Variants in PCDH15 observed in about 807,000 individuals in gnomAD.
PCDH15 encodes protocadherin-15.
PCDH15 carries 129 observed loss-of-function variants against 178.5 expected under a neutral mutation model. The ratio of observed to expected loss-of-function variants is 0.72; its 90% CI spans 0.63 to 0.84. The LOEUF is 0.84. Ranked by LOEUF, PCDH15 falls within the 40% of genes least tolerant of loss-of-function variation. PCDH15 has a pLI of 0.00. For missense variants in PCDH15, 2,230 were observed against 2,099.9 expected (o/e 1.06, Z -1.21); for synonymous variants, 800 against 732.0 (o/e 1.09, Z -1.50).
At chr10:54,745,837 C>T (rs1357433765) in intron 1 of PCDH15, among the ~76,000 whole-genome samples, 2 of 152,044 alleles carry the variant, frequency 1.3e-5, no homozygotes, top group African/African-American at 2.4e-5. Context: ...GAATTTTAAT[C>T]ACTAATTATA....
chr10:54,205,741 A>G (rs2050732682), intron 10 of PCDH15, among the ~76,000 whole-genome samples: 2 of 152,084 alleles, frequency 1.3e-5, no homozygotes, highest in Admixed American at 6.6e-5. Flanking sequence ...TTTATTCAAA[A>G]TTTAATACTC....
At chr10:55,291,568 T>C (rs1843007219) in intron 1 of PCDH15, among the ~76,000 whole-genome samples, 1 of 152,214 alleles carries the variant, frequency 6.6e-6, no homozygotes, top group African/African-American at 2.4e-5. Flanking sequence ...CTGGAATTTT[T>C]GACCAATAGC....
rs1379048346 is a variant in PCDH15 at position 55,563,665 on chromosome 10, T to C, written c.-156+63960A>G. Among the ~76,000 whole-genome samples, 5 of 148,692 alleles carry C rather than the reference T, an allele frequency of 3.4e-5. No homozygotes were observed. The Admixed American group carries it at 3.4e-4, about 10-fold the overall frequency. ...AGAGTCACCGAGAAAGACTTGATGG[T>C]AGATCTACTACATAAATACTTTAAA... is the stretch of plus-strand genomic sequence containing the variant. On this transcript the variant is annotated intron_variant, in intron 2 of 5. Coordinates refer to the PCDH15 transcript ENST00000613346.
At chr10:54,162,196 C>T (rs896908384) in intron 13 of PCDH15, among the ~76,000 whole-genome samples, 2 of 137,724 alleles carry the variant, frequency 1.5e-5, no homozygotes, top group African/African-American at 5.6e-5. Context: ...TTCTTCCTGC[C>T]TTCTTATGCA....
At chr10:54,453,696 G>A (rs947588260) in intron 3 of PCDH15, among the ~76,000 whole-genome samples, 4 of 151,258 alleles carry the variant, frequency 2.6e-5, no homozygotes, top group African/African-American at 4.9e-5. Context: ...ATTCAGACAC[G>A]GAGACAGAGA....
intron 2 of PCDH15, among the ~76,000 whole-genome samples, chr10:54,659,501 C>T (rs1202659488): frequency 6.6e-6 from 1 of 151,950 alleles, no homozygotes; most frequent in African/African-American, 2.4e-5. Flanking sequence ...GCTGGTAATC[C>T]TAGCAGTTTG....
At chr10:55,111,207 A>G (rs1837492688) in intron 2 of PCDH15, among the ~76,000 whole-genome samples, 1 of 152,186 alleles carries the variant, frequency 6.6e-6, no homozygotes, top group Non-Finnish European at 1.5e-5. Context: ...CTTTTCACAG[A>G]AAAGTGGTAT....
chr10:53,883,520 C>T (rs761963859), intron 26 of PCDH15, among the ~76,000 whole-genome samples: 24 of 152,036 alleles, frequency 1.6e-4, no homozygotes, highest in Non-Finnish European at 3.4e-4. Flanking sequence ...AACTGCTCTG[C>T]CACTTAAAAA....
intron 2 of PCDH15, among the ~76,000 whole-genome samples, chr10:54,584,345 T>C (rs1321244481): frequency 6.6e-6 from 1 of 152,130 alleles, no homozygotes; most frequent in Admixed American, 6.6e-5. Context: ...AAGGCTGCAG[T>C]GAGCTATAAT....
chr10:54,736,160 C>T (rs896972895), intron 1 of PCDH15, among the ~76,000 whole-genome samples: 2 of 152,044 alleles, frequency 1.3e-5, no homozygotes, highest in African/African-American at 4.8e-5. Context: ...CTGAATCTAA[C>T]TCTGTAGCAT....
intron 1 of PCDH15, among the ~76,000 whole-genome samples, chr10:54,664,550 T>C (rs2094541110): frequency 6.6e-6 from 1 of 151,974 alleles, no homozygotes; most frequent in African/African-American, 2.4e-5. Context: ...GTTAACATAC[T>C]AATAATATCA....
At chr10:55,054,866 C>G (rs1053372972) in intron 2 of PCDH15, among the ~76,000 whole-genome samples, 1 of 151,972 alleles carries the variant, frequency 6.6e-6, no homozygotes, top group African/African-American at 2.4e-5. Flanking sequence ...TAGGGGTTAT[C>G]TGTTTTCTTC....
At chr10:55,173,699 T>G (rs1165651577) in intron 1 of PCDH15, among the ~76,000 whole-genome samples, 1 of 152,128 alleles carries the variant, frequency 6.6e-6, no homozygotes, top group Non-Finnish European at 1.5e-5. Flanking sequence ...CTAGATTCCT[T>G]TTCTTAGTTT....
intron 3 of PCDH15, among the ~76,000 whole-genome samples, chr10:54,446,595 G>T (rs2136227055): frequency 6.6e-6 from 1 of 151,516 alleles, no homozygotes. Flanking sequence ...CAAATAAACT[G>T]TATATATTTA....
intron 2 of PCDH15, among the ~76,000 whole-genome samples, chr10:54,584,753 T>C (rs1016510443): frequency 6.6e-6 from 1 of 152,166 alleles, no homozygotes; most frequent in Non-Finnish European, 1.5e-5. Context: ...ATAACTGTGC[T>C]GAGTTCTTGG....
intron 1 of PCDH15, among the ~76,000 whole-genome samples, chr10:55,230,876 T>C (rs1196678702): frequency 2.6e-5 from 4 of 151,934 alleles, no homozygotes; most frequent in African/African-American, 4.8e-5. Context: ...GAAGCTGAGA[T>C]TGAAGGGGTT....
intron 10 of PCDH15, among the ~76,000 whole-genome samples, chr10:54,198,651 G>A (rs986101286): frequency 8.2e-6 from 1 of 121,372 alleles, no homozygotes; most frequent in African/African-American, 4.5e-5. Flanking sequence ...ACAGGCGCCC[G>A]CCACTACGCC....
chr10:54,055,582 A>T (rs886503890), intron 18 of PCDH15, among the ~76,000 whole-genome samples: 1 of 152,158 alleles, frequency 6.6e-6, no homozygotes, highest in African/African-American at 2.4e-5. Context: ...GAGAATTCTG[A>T]CCTTAGCAGA....
At chr10:55,224,000 G>A (rs1049565714) in intron 1 of PCDH15, among the ~76,000 whole-genome samples, 2 of 151,778 alleles carry the variant, frequency 1.3e-5, no homozygotes, top group South Asian at 2.1e-4. Context: ...GCCTGTAATC[G>A]CAGCACTTTG....
Sources: allele counts gnomAD v4.1 joint callset (sites outside exome capture counted in the v4.1 genomes callset), GRCh38; gene constraint gnomAD v4.1.1; transcripts MANE v1.5; gene names NCBI Gene and HGNC (gene_info 2026-07-23, HGNC 2026-07-21).